CSTPP1: variants seen among roughly 807,000 people sequenced by gnomAD.
CSTPP1 encodes centriolar satellite-associated tubulin polyglutamylase complex regulator 1, also known as UPF0705 protein C11orf49.
the CSTPP1 span, among the ~76,000 whole-genome samples, chr11:47,048,594 G>A: frequency 2.6e-5 from 4 of 151,764 alleles, no homozygotes; most frequent in African/African-American, 9.7e-5. Flanking sequence ...GATATTACAT[G>A]ATTCCACTTA....
chr11:47,161,483 C>A, the CSTPP1 span: 1 of 1,614,048 alleles, frequency 6.2e-7, no homozygotes, highest in Non-Finnish European at 8.5e-7. Flanking sequence ...GGTCCCAGGC[C>A]TGGTCAACTC....
chr11:47,156,051 G>A, the CSTPP1 span: 1 of 152,210 alleles, frequency 6.6e-6, no homozygotes, highest in African/African-American at 2.4e-5. Flanking sequence ...TAAATAGAAG[G>A]CTGTCCTTAG....
At chr11:47,129,611 G>C in the CSTPP1 span, among the ~76,000 whole-genome samples, 1 of 152,122 alleles carries the variant, frequency 6.6e-6, no homozygotes, top group African/African-American at 2.4e-5. Flanking sequence ...AGACCCCCAA[G>C]GGTTCGACAC....
At chr11:47,107,480 T>A in the CSTPP1 span, among the ~76,000 whole-genome samples, 938 of 152,330 alleles carry the variant, frequency 6.2e-3, 6 homozygotes, top group African/African-American at 0.02. Context: ...TATTTAATGT[T>A]CTTGTCTTTT....
the CSTPP1 span, among the ~76,000 whole-genome samples, chr11:46,971,761 A>C: frequency 6.6e-6 from 1 of 152,164 alleles, no homozygotes; most frequent in South Asian, 2.1e-4. Context: ...CCTGGGCAAC[A>C]CAGTGAGACC....
At chr11:47,100,049 C>A in the CSTPP1 span, among the ~76,000 whole-genome samples, 1 of 152,172 alleles carries the variant, frequency 6.6e-6, no homozygotes, top group Admixed American at 6.5e-5. Flanking sequence ...ACCATGCTTT[C>A]CTATTTTATA....
chr11:47,129,014 C>CTTTAGTCACCATTAGGAGGG, the CSTPP1 span, among the ~76,000 whole-genome samples: 1 of 152,174 alleles, frequency 6.6e-6, no homozygotes, highest in African/African-American at 2.4e-5. Flanking sequence ...TTTCTCTTGC[C>CTTTAGTCACCATTAGGAGGG]TTTAGTCACC....
chr11:47,067,719 C>G, the CSTPP1 span, among the ~76,000 whole-genome samples: 1 of 152,242 alleles, frequency 6.6e-6, no homozygotes, highest in Non-Finnish European at 1.5e-5. Context: ...GTCCCCAGAA[C>G]TGTGAGAAAA....
the CSTPP1 span, among the ~76,000 whole-genome samples, chr11:47,000,360 C>A: frequency 6.6e-6 from 1 of 152,106 alleles, no homozygotes; most frequent in Non-Finnish European, 1.5e-5. Context: ...AATTGGGAAC[C>A]ATTCTTCACA....
the CSTPP1 span, among the ~76,000 whole-genome samples, chr11:46,992,114 T>C: frequency 6.6e-6 from 1 of 152,190 alleles, no homozygotes; most frequent in Non-Finnish European, 1.5e-5. Context: ...TAGCTAAATA[T>C]TTATTGAATC....
the CSTPP1 span, among the ~76,000 whole-genome samples, chr11:46,981,365 T>C: frequency 6.6e-6 from 1 of 152,124 alleles, no homozygotes; most frequent in African/African-American, 2.4e-5. Flanking sequence ...TTTGAAAATA[T>C]GTACCCCAAA....
the CSTPP1 span, among the ~76,000 whole-genome samples, chr11:47,113,635 G>T: frequency 6.6e-6 from 1 of 152,200 alleles, no homozygotes; most frequent in Non-Finnish European, 1.5e-5. Flanking sequence ...TCTGTTGGCT[G>T]CATAGATGTC....
the CSTPP1 span, among the ~76,000 whole-genome samples, chr11:47,158,985 C>T: frequency 4.6e-5 from 7 of 152,322 alleles, no homozygotes; most frequent in Non-Finnish European, 1.0e-4. Context: ...TCACTAAATG[C>T]CAACCACAGC....
the CSTPP1 span, among the ~76,000 whole-genome samples, chr11:47,117,602 T>C: frequency 3.3e-5 from 5 of 152,292 alleles, no homozygotes; most frequent in East Asian, 7.7e-4. Context: ...CTGATAATTA[T>C]GTGTCTTGGG....
the CSTPP1 span, among the ~76,000 whole-genome samples, chr11:47,146,233 C>G: frequency 6.6e-6 from 1 of 151,880 alleles, no homozygotes; most frequent in Middle Eastern, 3.2e-3. Context: ...GGCATGGTGG[C>G]GGGCGCCTGT....
the CSTPP1 span, among the ~76,000 whole-genome samples, chr11:46,974,300 G>A: frequency 6.6e-6 from 1 of 152,040 alleles, no homozygotes; most frequent in Admixed American, 6.6e-5. Context: ...GGCCGAGGCG[G>A]GCAGATCGCT....
the CSTPP1 span, among the ~76,000 whole-genome samples, chr11:47,097,264 CGGGA>C: frequency 8.4e-6 from 1 of 119,284 alleles, no homozygotes; most frequent in African/African-American, 2.9e-5. Flanking sequence ...CCGCCCCGTC[CGGGA>C]GGGAGGTGGG....
the CSTPP1 span, among the ~76,000 whole-genome samples, chr11:47,048,870 A>C: frequency 6.6e-6 from 1 of 152,228 alleles, no homozygotes; most frequent in Non-Finnish European, 1.5e-5. Context: ...TTCCAATTTA[A>C]AAAGAGATAG....
the CSTPP1 span, among the ~76,000 whole-genome samples, chr11:46,986,212 T>G: frequency 6.6e-6 from 1 of 152,184 alleles, no homozygotes; most frequent in African/African-American, 2.4e-5. Flanking sequence ...AGAGCCATGA[T>G]TCAAACTCAG....
Sources: gnomAD v4.1 joint callset for allele counts (sites outside exome capture counted in the v4.1 genomes callset) on GRCh38, gnomAD v4.1.1 for gene constraint, MANE v1.5 for transcripts, NCBI Gene and HGNC (gene_info 2026-07-23, HGNC 2026-07-21) for gene names.